The following SYT1 variants were observed in gnomAD, a reference collection of about 807,000 sequenced individuals.
The protein encoded by SYT1 is synaptotagmin 1.
In SYT1, 8 loss-of-function variants were observed where a neutral mutation model predicts 44.8. That is an observed-to-expected ratio of 0.18 (90% CI 0.10 to 0.32). SYT1 has a LOEUF of 0.32. Among genes scored for constraint, SYT1 ranks in the 10% least tolerant of loss-of-function variants. The pLI is 1.00. For missense variants in SYT1, 286 were observed against 509.3 expected, an observed-to-expected ratio of 0.56 and a Z score of 4.22; for synonymous variants, 154 against 188.8, an observed-to-expected ratio of 0.82 and a Z score of 1.51.
intron 3 of SYT1, among the ~76,000 whole-genome samples, chr12:79,089,505 A>T (rs549908801): frequency 6.6e-6 from 1 of 150,580 alleles, no homozygotes; most frequent in Admixed American, 6.6e-5. Flanking sequence ...CTGAAAAAAA[A>T]AAAAAGAAAA....
intron 3 of SYT1, among the ~76,000 whole-genome samples, chr12:79,128,508 C>T (rs143951644): frequency 5.5e-4 from 84 of 152,344 alleles, no homozygotes; most frequent in Admixed American, 2.0e-3. Flanking sequence ...TACAGCTGAA[C>T]ACACTTATGT....
intron 1 of SYT1, among the ~76,000 whole-genome samples, chr12:78,962,057 TC>T (rs1879533097): frequency 6.6e-6 from 1 of 152,146 alleles, no homozygotes; most frequent in African/African-American, 2.4e-5. Flanking sequence ...GTTTTTGTTT[TC>T]TTTTGTTGTT....
At chr12:79,117,122 AAGAC>A (rs1462503008) in intron 3 of SYT1, among the ~76,000 whole-genome samples, 1 of 152,190 alleles carries the variant, frequency 6.6e-6, no homozygotes, top group African/African-American at 2.4e-5. Flanking sequence ...GCAATATACA[AAGAC>A]AGATTAGTGA....
rs76577253 is a variant in SYT1, at chr12:78,924,208, T to A, written c.-216-53591T>A. ...GCCCATGGTATTCACTGCCCCATTA[T>A]GGTGATGTTAACTTCAATCACTTTA... On this transcript the variant is annotated intron_variant, in intron 1 of 10. Coordinates refer to ENST00000261205, the MANE Select transcript of SYT1 (RefSeq NM_005639.3). Among the ~76,000 whole-genome samples, 382 of 152,068 alleles carry A rather than the reference T, an allele frequency of 2.5e-3. 10 individuals carry two copies. In the East Asian group the frequency reaches 0.061, roughly 24 times the overall value.
rs1372929883 is a variant in SYT1, at chr12:79,068,002, TAAAG to T, written c.-18+20643_-18+20646del. Among the ~76,000 whole-genome samples the T allele has an allele frequency of 2.0e-5, 3 of 152,318 alleles. No homozygotes were observed. The East Asian group carries it at 5.8e-4, about 29-fold the overall frequency. On this transcript the variant is annotated intron_variant, in intron 3 of 10. Coordinates refer to ENST00000261205, the MANE Select transcript of SYT1 (RefSeq NM_005639.3). ...GAAGACACACCCATGAGACAAGCCT[TAAAG>T]AAGGTGACAGCAATAGATATTATTT...
At chr12:79,379,326 C>T (rs550493856) in intron 9 of SYT1, among the ~76,000 whole-genome samples, 67 of 151,936 alleles carry the variant, frequency 4.4e-4, no homozygotes, top group African/African-American at 1.4e-3. Context: ...AAACCTCGGT[C>T]GAAAATATTT....
At chr12:79,301,947 C>A (rs1349858408) in intron 8 of SYT1, among the ~76,000 whole-genome samples, 9 of 151,952 alleles carry the variant, frequency 5.9e-5, no homozygotes, top group African/African-American at 2.2e-4. Flanking sequence ...ATGACTAGAC[C>A]CAGTTAGAAA....
At chr12:79,326,206 T>C (rs1015494591) in intron 8 of SYT1, among the ~76,000 whole-genome samples, 2 of 152,234 alleles carry the variant, frequency 1.3e-5, no homozygotes, top group African/African-American at 4.8e-5. Context: ...CATATTACTT[T>C]TCCTCTCAAT....
intron 2 of SYT1, among the ~76,000 whole-genome samples, chr12:79,031,364 G>A (rs893357473): frequency 2.0e-5 from 3 of 150,982 alleles, no homozygotes; most frequent in African/African-American, 2.4e-5. Flanking sequence ...AGTAGATTGT[G>A]CCTAATGTAT....
At chr12:78,991,212 A>G (rs972993909) in intron 2 of SYT1, among the ~76,000 whole-genome samples, 3 of 152,134 alleles carry the variant, frequency 2.0e-5, no homozygotes, top group African/African-American at 2.4e-5. Context: ...GAGGGAATAT[A>G]TAACATTAAA....
At chr12:79,109,725 T>C (rs1878911477) in intron 3 of SYT1, among the ~76,000 whole-genome samples, 2 of 152,232 alleles carry the variant, frequency 1.3e-5, no homozygotes, top group South Asian at 2.1e-4. Context: ...AATTGTGATA[T>C]TTCATAGGAG....
chr12:78,995,164 T>C (rs1373592707), intron 2 of SYT1, among the ~76,000 whole-genome samples: 1 of 152,168 alleles, frequency 6.6e-6, no homozygotes, highest in Non-Finnish European at 1.5e-5. Flanking sequence ...GGGAGCTAAA[T>C]GCACAGTGAA....
At chr12:79,023,697 A>G (rs755365477) in intron 2 of SYT1, among the ~76,000 whole-genome samples, 1 of 151,872 alleles carries the variant, frequency 6.6e-6, no homozygotes, top group Non-Finnish European at 1.5e-5. Flanking sequence ...TACAGACGTT[A>G]CAAGACAAGC....
intron 1 of SYT1, among the ~76,000 whole-genome samples, chr12:78,888,295 C>T (rs1023108506): frequency 5.3e-5 from 8 of 151,850 alleles, no homozygotes; most frequent in African/African-American, 1.9e-4. Context: ...ATCTTCATTT[C>T]CTCTCCTGGA....
chr12:79,327,461 G>A (rs1010757197), intron 8 of SYT1, among the ~76,000 whole-genome samples: 1 of 152,122 alleles, frequency 6.6e-6, no homozygotes, highest in South Asian at 2.1e-4. Flanking sequence ...GTAACATATA[G>A]CCAAAAATAC....
chr12:79,124,155 A>G (rs575820479), intron 3 of SYT1, among the ~76,000 whole-genome samples: 5 of 152,352 alleles, frequency 3.3e-5, no homozygotes, highest in South Asian at 4.1e-4. Flanking sequence ...TCTAAAAGCT[A>G]TCCTGTAACT....
At chr12:79,384,607 G>A (rs1884356359) in intron 9 of SYT1, among the ~76,000 whole-genome samples, 1 of 152,098 alleles carries the variant, frequency 6.6e-6, no homozygotes, top group South Asian at 2.1e-4. Context: ...CAAAGTTATG[G>A]CACTGAGATG....
At chr12:79,215,022 G>A (rs929509489) in intron 3 of SYT1, among the ~76,000 whole-genome samples, 6 of 151,474 alleles carry the variant, frequency 4.0e-5, no homozygotes, top group Admixed American at 4.0e-4. Flanking sequence ...CAGAAGTTAG[G>A]ACATCATTAA....
Position 78,931,179 on chromosome 12 carries a change from AAAAG to A in SYT1, c.-216-46561_-216-46558del, listed in dbSNP as rs1165668920. On this transcript the variant is annotated intron_variant, in intron 1 of 10. Transcript: ENST00000261205. ...GTCTGTGGAAAGAAAGAAAGAAAGA[AAAAG>A]AAAGAAAGAAAGAAAGAAAGAAAGA... Among the ~76,000 whole-genome samples the A allele has an allele frequency of 8.4e-3, 504 of 59,806 alleles. 15 individuals are homozygous for A. The highest frequency in any genetic ancestry group is 0.013 in the Middle Eastern group (2 of 160). The allele number at this position is 59,806 out of a possible 152,430, so 39.2% of individuals were successfully genotyped here. A position where few individuals can be genotyped will look rare whatever the true frequency, so the allele number is the denominator to read the frequency against.
Sources: gnomAD v4.1 joint callset for allele counts (sites outside exome capture counted in the v4.1 genomes callset) on GRCh38, gnomAD v4.1.1 for gene constraint, MANE v1.5 for transcripts, NCBI Gene and HGNC (gene_info 2026-07-23, HGNC 2026-07-21) for gene names.